The following CHD5 variants were observed in gnomAD, a reference collection of about 807,000 sequenced individuals.
CHD5 encodes chromodomain helicase DNA binding protein 5, also known as ATP-dependent chromatin remodeler CHD5.
In CHD5, 69 loss-of-function variants were observed where a neutral mutation model predicts 230.3. The observed-to-expected ratio is 0.30, with a 90% CI of 0.25 to 0.37. The LOEUF (loss-of-function observed/expected upper bound fraction) is 0.37. Among genes scored for constraint, CHD5 ranks in the 10% least tolerant of loss-of-function variants. CHD5 has a pLI of 1.00. For missense variants in CHD5, 1,827 were observed against 2,622.8 expected, an observed-to-expected ratio of 0.70 and a Z score of 6.63; for synonymous variants, 1,064 against 1,065.9, an observed-to-expected ratio of 1.00 and a Z score of 0.03.
In CHD5 at chr1:6,133,986, C is replaced by T. The variant is rs142384302; in HGVS notation, c.3144+142G>A. 1,496 of 770,892 alleles carry T rather than the reference C, an allele frequency of 1.9e-3. 3 individuals carry two copies. The highest frequency in any genetic ancestry group is 4.1e-3 in the Middle Eastern group (11 of 2,672). The allele number at this position is 770,892 out of a possible 1,614,324, so 47.8% of individuals were successfully genotyped here. On this transcript the variant is annotated intron_variant, in intron 20 of 41. Coordinates refer to ENST00000262450, the MANE Select transcript of CHD5 (RefSeq NM_015557.3). ...ATTATGCCAGGGCACGGGGGAGTGA[C>T]CCCTGACACACAGTCACATGACCCA...
At chr1:6,112,881 A>T (rs1215091398) in intron 34 of CHD5, 28 bp downstream of exon 34, 1 of 1,548,898 alleles carries the variant, frequency 6.5e-7, no homozygotes. Context: ...CATGGGGCAC[A>T]GGTAGAGAAC....
intron 1 of CHD5, among the ~76,000 whole-genome samples, chr1:6,169,067 T>C (rs1571172904): frequency 6.8e-6 from 1 of 146,884 alleles, no homozygotes; most frequent in Non-Finnish European, 1.5e-5. Flanking sequence ...ACAGGGACAC[T>C]CAAGCCCCAA....
intron 5 of CHD5, 113 bp from the exon 6 acceptor site, chr1:6,152,649 C>A (rs752425598): frequency 9.0e-5 from 137 of 1,518,368 alleles, no homozygotes; most frequent in Non-Finnish European, 1.2e-4. Flanking sequence ...TTTCTACCAT[C>A]ACCCCGTTTC....
chr1:6,174,679 GATGGATGGTGGATGGGTGGATGGATGA>G (rs1234327336), intron 1 of CHD5, among the ~76,000 whole-genome samples: 4 of 151,634 alleles, frequency 2.6e-5, no homozygotes, highest in African/African-American at 4.9e-5. Flanking sequence ...TGGGTGGAAG[GATGGATGGTGGATGGGTGGATGGATGA>G]ATGGATGGTG....
chr1:6,121,585 A>C lies in CHD5; in HGVS notation c.4700-12T>G. On this transcript the variant is annotated splice_polypyrimidine_tract_variant and intron_variant, in intron 31 of 41. Coordinates refer to ENST00000262450, the MANE Select transcript of CHD5 (RefSeq NM_015557.3). This position sits in a 1 kb window ranked among gnomAD's most constrained non-coding sequence, Gnocchi z 4.5. The stretch of plus-strand genomic sequence containing the variant: ...GGCTTCCATTTTGTCTGAAAGATCA[A>C]GGGAAAGAGCTGAGACAGGTGGGCT... The C allele has an allele frequency of 1.9e-6, 3 of 1,607,112 alleles. No homozygotes were observed. Among genetic ancestry groups the C allele is most frequent in the Non-Finnish European group, 2.6e-6 (3 of 1,175,318 alleles).
In CHD5 at chr1:6,143,850, C is replaced by T. The variant is rs763215087; in HGVS notation, c.2016G>A (p.Glu672=). The T allele has an allele frequency of 5.1e-6, 8 of 1,566,582 alleles. No homozygotes were observed. The East Asian group carries it at 1.9e-4, about 37-fold the overall frequency. The change falls in exon 13 of 42, where the codon GAG becomes GAA. Residue 672 remains glutamate (E), a synonymous_variant. Coordinates refer to ENST00000262450, the MANE Select transcript of CHD5 (RefSeq NM_015557.3). ...CCACAATGGGCGTGTCCGGCGGCTTCTCCTGCTTGTCGTCCCTCAGCTTCT... is the reference window on the plus strand; with the variant it reads ...CCACAATGGGCGTGTCCGGCGGCTTTTCCTGCTTGTCGTCCCTCAGCTTCT... The part of the protein sequence containing the change: ...KGKKLRDDKQ[E]KPPDTPIVDP...
rs1571146307 is a variant in CHD5 at position 6,125,415 on chromosome 1, T to C, written c.4260+109A>G. 3 of 1,333,970 alleles carry C rather than the reference T, an allele frequency of 2.2e-6. No individual in the cohort carries two copies. Among genetic ancestry groups the C allele is most frequent in the Non-Finnish European group, 3.1e-6 (3 of 963,780 alleles). The allele number at this position is 1,333,970 out of a possible 1,614,324, so 82.6% of individuals were successfully genotyped here. On this transcript the variant is annotated intron_variant, in intron 28 of 41. Coordinates refer to ENST00000262450, the MANE Select transcript of CHD5 (RefSeq NM_015557.3). The surrounding 1 kb of genome is among the most constrained non-coding windows in gnomAD (Gnocchi z 6.7). ...AGACCAGACCAAGTTCTGTCCAAGC[T>C]CCGCCTCTACCTGGCATGAGACCCG...
At chr1:6,177,408 C>T (rs1667443150) in intron 1 of CHD5, among the ~76,000 whole-genome samples, 1 of 152,212 alleles carries the variant, frequency 6.6e-6, no homozygotes, top group African/African-American at 2.4e-5. Flanking sequence ...ACAACCATCT[C>T]TCAGGAACGC....
chr1:6,116,584 G>A (rs1320668774), intron 33 of CHD5, among the ~76,000 whole-genome samples: 1 of 152,156 alleles, frequency 6.6e-6, no homozygotes, highest in Non-Finnish European at 1.5e-5. Context: ...TCCTAGACAG[G>A]AGCAGCAATT....
In CHD5 at chr1:6,148,865, G is replaced by C; in HGVS notation, c.1372C>G (p.Pro458Ala). 1 of 1,567,192 alleles carries C rather than the reference G, an allele frequency of 6.4e-7. No individual in the cohort carries two copies. The highest frequency in any genetic ancestry group is 8.7e-7 in the Non-Finnish European group (1 of 1,155,604). ...PEIPNGEWLC[P>A]RCTCPPLKGK... The stretch of plus-strand genomic sequence containing the variant: ...GGCGGAACACTCACAGTACAGCGCG[G>C]GCAGAGCCATTCACCGTTTGGGATC... Residue 458 changes from proline to alanine, a missense_variant, in exon 9 of 42, where the codon CCG (proline) becomes GCG (alanine). Coordinates refer to ENST00000262450, the MANE Select transcript of CHD5 (RefSeq NM_015557.3).
chr1:6,124,452 C>T, intron 30 of CHD5, 65 bp downstream of exon 30: 1 of 1,575,662 alleles, frequency 6.3e-7, no homozygotes, highest in Non-Finnish European at 8.7e-7. Flanking sequence ...CACTGACCCA[C>T]AAGGGACAGC....
rs764614066 is a variant in CHD5, at chr1:6,135,334, G to A, written c.2766C>T (p.Asp922=). The change falls in exon 18 of 42, where the codon GAC becomes GAT. Residue 922 remains aspartate (D), a synonymous_variant. Transcript: ENST00000262450. ...SKEDQIKKLH[D]LLGPHMLRRL... ...GCCTGAGCATGTGCGGCCCCAGCAG[G>A]TCATGCAGCTTCTTGATCTGGTCTT... The A allele has an allele frequency of 4.3e-6, 7 of 1,614,130 alleles. No homozygotes were observed. The highest frequency in any genetic ancestry group is 5.1e-6 in the Non-Finnish European group (6 of 1,179,998).
chr1:6,167,157 C>T lies in CHD5; in HGVS notation c.207+993G>A, dbSNP rs536844245. Reference sequence around the variant, plus strand: ...TGGGGCCAGGCCAGTCCCCTCTAGGCGGGGGAAAGAAAGGTGGAGAGCTGG... The same window carrying T: ...TGGGGCCAGGCCAGTCCCCTCTAGGTGGGGGAAAGAAAGGTGGAGAGCTGG... On this transcript the variant is annotated intron_variant, in intron 2 of 41. Coordinates refer to ENST00000262450, the MANE Select transcript of CHD5 (RefSeq NM_015557.3). This position sits in a 1 kb window ranked among gnomAD's most constrained non-coding sequence, Gnocchi z 4.5. Among the ~76,000 whole-genome samples, 33 of 152,240 alleles carry T rather than the reference C, an allele frequency of 2.2e-4. No individual in the cohort carries two copies. The highest frequency in any genetic ancestry group is 6.3e-4 in the African/African-American group (26 of 41,552).
In CHD5 at chr1:6,131,647, T is replaced by G; in HGVS notation, c.3246A>C (p.Ala1082=). The G allele has an allele frequency of 6.2e-7, 1 of 1,601,696 alleles. No homozygotes were observed. Among genetic ancestry groups the G allele is most frequent in the Non-Finnish European group, 8.6e-7 (1 of 1,168,698 alleles). Residue 1082 remains alanine, a synonymous_variant, in exon 21 of 42, where the codon GCA becomes GCC. Coordinates refer to ENST00000262450, the MANE Select transcript of CHD5 (RefSeq NM_015557.3). This position sits in a 1 kb window ranked among gnomAD's most constrained non-coding sequence, Gnocchi z 5.0. The part of the protein sequence containing the change: ...GGITGGLRQE[A]IDRFNAPGAQ... ...TGGGGGTACCATTGAATCTGTCGAT[T>G]GCCTCCTGCCGGAGGCCCCCGGTGA...
chr1:6,169,995 C>T (rs557610440), intron 1 of CHD5, among the ~76,000 whole-genome samples: 2 of 152,242 alleles, frequency 1.3e-5, no homozygotes, highest in Admixed American at 1.3e-4. Context: ...GACGAGAGGT[C>T]CTGGGGCCAC....
intron 2 of CHD5, among the ~76,000 whole-genome samples, chr1:6,159,840 T>C (rs1667138985): frequency 6.6e-6 from 1 of 152,270 alleles, no homozygotes; most frequent in Admixed American, 6.5e-5. Flanking sequence ...CCAGCAGCCC[T>C]GCGGGTGAAC....
intron 3 of CHD5, among the ~76,000 whole-genome samples, chr1:6,156,147 A>T (rs1485336550): frequency 6.6e-6 from 1 of 152,180 alleles, no homozygotes; most frequent in African/African-American, 2.4e-5. Flanking sequence ...CATTCTGGGG[A>T]TTTGGACAGC....
At chr1:6,157,987 G>T (rs1281651448) in intron 3 of CHD5, among the ~76,000 whole-genome samples, 1 of 152,136 alleles carries the variant, frequency 6.6e-6, no homozygotes, top group African/African-American at 2.4e-5. Context: ...CATGATTTCT[G>T]CCTCACCCAA....
chr1:6,174,304 G>C (rs1484008657), intron 1 of CHD5, among the ~76,000 whole-genome samples: 1 of 152,194 alleles, frequency 6.6e-6, no homozygotes, highest in East Asian at 1.9e-4. Context: ...AGCCCAGAAA[G>C]TTAGACAACA....
Sources: allele counts gnomAD v4.1 joint callset (sites outside exome capture counted in the v4.1 genomes callset), GRCh38; gene constraint gnomAD v4.1.1; non-coding constraint Gnocchi (gnomAD v3.1); transcripts MANE v1.5; gene names NCBI Gene and HGNC (gene_info 2026-07-23, HGNC 2026-07-21).